NAV2: variants seen among roughly 807,000 people sequenced by gnomAD.
NAV2 encodes helicase, APC down-regulated 1.
NAV2 carries 54 observed loss-of-function variants against 223.2 expected under a neutral mutation model. That is an observed-to-expected ratio of 0.24 (90% CI 0.19 to 0.30). The LOEUF (loss-of-function observed/expected upper bound fraction) is 0.30, where lower values mean the gene tolerates loss of function less well. Among genes scored for constraint, NAV2 ranks in the 10% least tolerant of loss-of-function variants. The pLI, the probability that NAV2 is intolerant of heterozygous loss-of-function variation, is 1.00. For synonymous variants in NAV2, 1,279 were observed against 1,239.3 expected (o/e 1.03, Z -0.67); for missense variants, 2,806 against 3,147.5 (o/e 0.89, Z 2.60).
chr11:19,723,927 G>C (rs2050998354), intron 1 of NAV2, among the ~76,000 whole-genome samples: 1 of 152,230 alleles, frequency 6.6e-6, no homozygotes, highest in Non-Finnish European at 1.5e-5. Flanking sequence ...TGCCAGAGCT[G>C]TCAGACCTTC....
chr11:19,582,703 C>G (rs550309507), intron 1 of NAV2, among the ~76,000 whole-genome samples: 1 of 152,274 alleles, frequency 6.6e-6, no homozygotes, highest in Admixed American at 6.5e-5. Context: ...TCTGAGGGCT[C>G]TGTTCTGTTC....
chr11:19,420,449 G>A (rs1314201616), intron 1 of NAV2, among the ~76,000 whole-genome samples: 1 of 152,026 alleles, frequency 6.6e-6, no homozygotes, highest in African/African-American at 2.4e-5. Flanking sequence ...AAGAAATGAA[G>A]GCAAAAGTAA....
At chr11:20,035,371 C>T (rs191514069) in intron 11 of NAV2, among the ~76,000 whole-genome samples, 111 of 152,254 alleles carry the variant, frequency 7.3e-4, no homozygotes, top group Middle Eastern at 6.8e-3. Flanking sequence ...GGACTGACCT[C>T]ATTCGGTTGG....
At chr11:19,950,144 G>C (rs751887623) in intron 10 of NAV2, among the ~76,000 whole-genome samples, 1 of 152,186 alleles carries the variant, frequency 6.6e-6, no homozygotes, top group African/African-American at 2.4e-5. Flanking sequence ...TTTCCACCTT[G>C]AATGTTCTAG....
chr11:19,854,169 A>G (rs562253851), intron 3 of NAV2, among the ~76,000 whole-genome samples: 2 of 152,156 alleles, frequency 1.3e-5, no homozygotes, highest in African/African-American at 4.8e-5. Flanking sequence ...ATATGTCTTC[A>G]TGGAGTTCTT....
At chr11:19,781,765 T>G (rs1024914711) in intron 1 of NAV2, among the ~76,000 whole-genome samples, 2 of 152,156 alleles carry the variant, frequency 1.3e-5, no homozygotes, top group African/African-American at 4.8e-5. Flanking sequence ...TTAGCTTTTT[T>G]TTTTTTAATC....
At chr11:19,530,587 C>T (rs990199654) in intron 1 of NAV2, among the ~76,000 whole-genome samples, 39 of 152,332 alleles carry the variant, frequency 2.6e-4, no homozygotes, top group African/African-American at 9.1e-4. Context: ...AGTCTTCCCA[C>T]CCCCAAAGCA....
chr11:19,559,536 C>A (rs1424442769), intron 1 of NAV2, among the ~76,000 whole-genome samples: 1 of 152,202 alleles, frequency 6.6e-6, no homozygotes, highest in Non-Finnish European at 1.5e-5. Context: ...TTAATTTGAA[C>A]TTCATTTGTT....
chr11:19,535,745 AT>A (rs1224070557), intron 1 of NAV2, among the ~76,000 whole-genome samples: 1 of 152,150 alleles, frequency 6.6e-6, no homozygotes, highest in Non-Finnish European at 1.5e-5. Context: ...ATCAAGCCTG[AT>A]TCAGGGGTTT....
chr11:19,408,816 T>G, intron 1 of NAV2, among the ~76,000 whole-genome samples: 1 of 133,328 alleles, frequency 7.5e-6, no homozygotes, highest in Non-Finnish European at 1.7e-5. Context: ...CTCTTTTTTC[T>G]GGCGGGGTGG....
chr11:19,680,445 T>A (rs376369514), intron 1 of NAV2, among the ~76,000 whole-genome samples: 1 of 152,160 alleles, frequency 6.6e-6, no homozygotes, highest in African/African-American at 2.4e-5. Flanking sequence ...CTCCAGTTTT[T>A]AAATATCAAC....
chr11:20,003,612 C>G (rs144380124), intron 11 of NAV2, among the ~76,000 whole-genome samples: 83 of 152,254 alleles, frequency 5.5e-4, no homozygotes, highest in Admixed American at 1.2e-3. Context: ...TACTTGAGTT[C>G]AGCAGGTAAA....
At chr11:19,753,621 C>T (rs75668780) in intron 1 of NAV2, among the ~76,000 whole-genome samples, 2,226 of 152,306 alleles carry the variant, frequency 0.015, 52 homozygotes, top group African/African-American at 0.051. Context: ...TCCCCCTGCA[C>T]GAGGACCTCC....
chr11:19,749,551 G>A (rs900629421), intron 1 of NAV2, among the ~76,000 whole-genome samples: 5 of 152,114 alleles, frequency 3.3e-5, no homozygotes, highest in African/African-American at 4.8e-5. Context: ...ATGTCAAGAC[G>A]TCTGAATTAA....
chr11:19,804,190 A>C (rs766244781), intron 1 of NAV2, among the ~76,000 whole-genome samples: 6 of 152,116 alleles, frequency 3.9e-5, no homozygotes, highest in Non-Finnish European at 8.8e-5. Context: ...TAATGTTCAT[A>C]CTCGTTTTAT....
rs760702543 is a variant in NAV2 at position 20,090,955 on chromosome 11, C to A, written c.5589C>A (p.Arg1863=). 1 of 1,613,970 alleles carries A rather than the reference C, an allele frequency of 6.2e-7. No individual in the cohort carries two copies. The highest frequency in any genetic ancestry group is 1.3e-5 in the African/African-American group (1 of 75,046). ...AGGAGATGAAGCTGACGGATATCCG[C>A]TTAGAAGCTCTCAGTTCTGCCCACC... is the stretch of plus-strand genomic sequence containing the variant. ...RDKEMKLTDI[R]LEALSSAHQL... Residue 1863 remains arginine (R), a synonymous_variant, in exon 27 of 38, where the codon CGC becomes CGA. Transcript: ENST00000349880.
intron 1 of NAV2, among the ~76,000 whole-genome samples, chr11:19,536,787 T>C (rs1345359203): frequency 6.6e-6 from 1 of 152,162 alleles, no homozygotes; most frequent in Non-Finnish European, 1.5e-5. Context: ...TTTGTGTCCT[T>C]CACAACCTTC....
At chr11:19,715,011 G>A (rs928090349) in intron 1 of NAV2, among the ~76,000 whole-genome samples, 2 of 152,146 alleles carry the variant, frequency 1.3e-5, no homozygotes, top group African/African-American at 2.4e-5. Flanking sequence ...AATGGCAACA[G>A]ACCAGCTGAC....
chr11:19,619,832 G>T (rs1447142278), intron 1 of NAV2, among the ~76,000 whole-genome samples: 1 of 152,154 alleles, frequency 6.6e-6, no homozygotes. Flanking sequence ...TGAAGTCCTT[G>T]CCCACGCCTA....
Sources: allele counts gnomAD v4.1 joint callset (sites outside exome capture counted in the v4.1 genomes callset), GRCh38; gene constraint gnomAD v4.1.1; transcripts MANE v1.5; gene names NCBI Gene and HGNC (gene_info 2026-07-23, HGNC 2026-07-21).